The following LYPLAL1 variants were observed in gnomAD, a reference collection of about 807,000 sequenced individuals.
LYPLAL1 encodes the protein lysophospholipase-like protein 1.
A neutral mutation model predicts 19.7 loss-of-function variants in LYPLAL1; 23 were observed. The observed-to-expected ratio is 1.17, with a 90% confidence interval of 0.84 to 1.65. The LOEUF is 1.65. Ranked by LOEUF, LYPLAL1 falls within the 40% of genes most tolerant of loss-of-function variation. LYPLAL1 has a pLI of 0.00. For synonymous variants in LYPLAL1, 119 were observed against 96.3 expected, an observed-to-expected ratio of 1.24 and a Z score of -1.38; for missense variants, 355 against 279.4, an observed-to-expected ratio of 1.27 and a Z score of -1.93.
intron 3 of LYPLAL1, among the ~76,000 whole-genome samples, chr1:219,199,442 C>G (rs1033825115): frequency 6.9e-6 from 1 of 144,050 alleles, no homozygotes; most frequent in Non-Finnish European, 1.5e-5. Context: ...TAATACTGAT[C>G]TTTTTTTTTT....
the LYPLAL1 span, among the ~76,000 whole-genome samples, chr1:219,300,259 A>G: frequency 6.6e-6 from 1 of 152,132 alleles, no homozygotes; most frequent in Non-Finnish European, 1.5e-5. Context: ...GATGGGATAC[A>G]GGTGTGAGCC....
At chr1:219,195,788 A>G (rs1265566941) in intron 3 of LYPLAL1, among the ~76,000 whole-genome samples, 6 of 152,148 alleles carry the variant, frequency 3.9e-5, no homozygotes, top group African/African-American at 7.2e-5. Context: ...CTATTAACCT[A>G]TCACCTAGGT....
the LYPLAL1 span, among the ~76,000 whole-genome samples, chr1:219,348,080 C>A: frequency 2.6e-5 from 4 of 152,318 alleles, no homozygotes; most frequent in East Asian, 1.9e-4. Context: ...GTGAGCACTG[C>A]TAACCTGGCC....
chr1:219,376,598 C>T, the LYPLAL1 span, among the ~76,000 whole-genome samples: 1 of 152,056 alleles, frequency 6.6e-6, no homozygotes, highest in African/African-American at 2.4e-5. Flanking sequence ...ATGTAAAGAA[C>T]CCCTAAAACC....
chr1:219,223,684 C>A, the LYPLAL1 span, among the ~76,000 whole-genome samples: 1 of 152,072 alleles, frequency 6.6e-6, no homozygotes, highest in Non-Finnish European at 1.5e-5. Context: ...GCAAAATGCC[C>A]ATAAGAGACT....
At chr1:219,282,976 T>C in the LYPLAL1 span, among the ~76,000 whole-genome samples, 2 of 152,056 alleles carry the variant, frequency 1.3e-5, no homozygotes, top group African/African-American at 4.8e-5. Context: ...CTTTTCTTGG[T>C]GGGGCTCTAA....
chr1:219,420,543 C>T, the LYPLAL1 span, among the ~76,000 whole-genome samples: 3 of 152,132 alleles, frequency 2.0e-5, no homozygotes, highest in Non-Finnish European at 4.4e-5. Context: ...ACGTTTAGTT[C>T]AGAGCAGCTC....
At chr1:219,178,676 C>A (rs1009777725) in intron 1 of LYPLAL1, among the ~76,000 whole-genome samples, 1 of 152,058 alleles carries the variant, frequency 6.6e-6, no homozygotes, top group African/African-American at 2.4e-5. Context: ...AATAAAATTA[C>A]ACTGAACACA....
At chr1:219,390,728 A>G in the LYPLAL1 span, among the ~76,000 whole-genome samples, 2 of 152,024 alleles carry the variant, frequency 1.3e-5, no homozygotes, top group South Asian at 4.1e-4. Context: ...CCTTTTCTTG[A>G]GTTTTTCATA....
Position 219,177,714 on chromosome 1 carries a change from G to A in LYPLAL1, c.92-1433G>A, listed in dbSNP as rs550975889. Among the ~76,000 whole-genome samples, 6 of 152,118 alleles carry A rather than the reference G, an allele frequency of 3.9e-5. No homozygotes were observed. The East Asian group carries it at 9.7e-4, about 24-fold the overall frequency. ...AGTATCTGTTTCTATCTACATCATC[G>A]CTGTAGTCTAAGCATGAACAGTAGT... On this transcript the variant is annotated intron_variant, in intron 1 of 4. Coordinates refer to ENST00000366928, the MANE Select transcript of LYPLAL1 (RefSeq NM_138794.5).
At chr1:219,312,499 C>G in the LYPLAL1 span, among the ~76,000 whole-genome samples, 1 of 152,066 alleles carries the variant, frequency 6.6e-6, no homozygotes, top group African/African-American at 2.4e-5. Flanking sequence ...TACAGGCAGA[C>G]CCCTGGGGAA....
At chr1:219,444,500 G>GA in the LYPLAL1 span, among the ~76,000 whole-genome samples, 1 of 151,982 alleles carries the variant, frequency 6.6e-6, no homozygotes, top group African/African-American at 2.4e-5. Context: ...ATCATAGAAG[G>GA]AAAAAAATAA....
the LYPLAL1 span, among the ~76,000 whole-genome samples, chr1:219,300,123 A>G: frequency 2.0e-5 from 3 of 152,132 alleles, no homozygotes; most frequent in Non-Finnish European, 4.4e-5. Flanking sequence ...AGCAGGGTCT[A>G]CAGGCAAGTG....
At chr1:219,432,474 A>C in the LYPLAL1 span, among the ~76,000 whole-genome samples, 1 of 152,112 alleles carries the variant, frequency 6.6e-6, no homozygotes, top group Non-Finnish European at 1.5e-5. Flanking sequence ...TGGGTGGGTA[A>C]CAGTGACTCA....
chr1:219,243,055 C>T, the LYPLAL1 span, among the ~76,000 whole-genome samples: 3 of 152,140 alleles, frequency 2.0e-5, no homozygotes, highest in African/African-American at 7.2e-5. Context: ...GTGCCAGCCT[C>T]TTGGATTCAT....
downstream of LYPLAL1, among the ~76,000 whole-genome samples, chr1:219,213,627 GTACCTA>G (rs1003618531): frequency 2.6e-5 from 4 of 151,806 alleles, no homozygotes; most frequent in African/African-American, 4.8e-5. Context: ...TATAAGTTCT[GTACCTA>G]TTTTGTTAGA....
At chr1:219,345,599 C>T in the LYPLAL1 span, among the ~76,000 whole-genome samples, 1 of 152,160 alleles carries the variant, frequency 6.6e-6, no homozygotes, top group Non-Finnish European at 1.5e-5. Context: ...CACAAACAGA[C>T]TTTAACTTGA....
the LYPLAL1 span, among the ~76,000 whole-genome samples, chr1:219,339,328 G>A: frequency 2.6e-5 from 4 of 151,996 alleles, no homozygotes; most frequent in African/African-American, 9.7e-5. Flanking sequence ...CTTCAAGTGT[G>A]CAATGCAGAT....
chr1:219,237,531 A>G, the LYPLAL1 span, among the ~76,000 whole-genome samples: 1 of 152,196 alleles, frequency 6.6e-6, no homozygotes, highest in Non-Finnish European at 1.5e-5. Context: ...TCAGAGCAGT[A>G]ATGGTGACTC....
Sources: allele counts gnomAD v4.1 joint callset (sites outside exome capture counted in the v4.1 genomes callset), GRCh38; gene constraint gnomAD v4.1.1; transcripts MANE v1.5; gene names NCBI Gene and HGNC (gene_info 2026-07-23, HGNC 2026-07-21).